Variants in CACNA2D1 observed in about 807,000 individuals in gnomAD.
CACNA2D1 encodes calcium voltage-gated channel auxiliary subunit alpha2delta 1, also known as voltage-dependent calcium channel subunit alpha-2/delta-1.
Under a neutral mutation model 171.5 loss-of-function variants are expected in CACNA2D1, and 53 were observed. That is an observed-to-expected ratio of 0.31 (90% CI 0.25 to 0.39). The LOEUF is 0.39. Among genes scored for constraint, CACNA2D1 ranks in the 10% least tolerant of loss-of-function variants. CACNA2D1 has a pLI of 1.00. For synonymous variants in CACNA2D1, 442 were observed against 443.1 expected, an observed-to-expected ratio of 1.00 and a Z score of 0.03; for missense variants, 903 against 1,299.8, an observed-to-expected ratio of 0.69 and a Z score of 4.69.
In CACNA2D1 at chr7:82,121,349, G is replaced by A. The variant is rs532291218; in HGVS notation, c.397-4176C>T. ...TGAGATTACAGGTGTGAGCCACCAC[G>A]CCCATCTTGAAAAGCTTCATTTTTG... On this transcript the variant is annotated intron_variant, in intron 5 of 38. Coordinates refer to ENST00000356860, the MANE Select transcript of CACNA2D1 (RefSeq NM_000722.4). 3.3e-3 allele frequency among the ~76,000 whole-genome samples: 504 copies of A among 152,202 alleles called. 6 individuals carry two copies. Among genetic ancestry groups the A allele is most frequent in the South Asian group, 0.028 (136 of 4,816 alleles).
chr7:82,252,468 T>C (rs1241385720), intron 3 of CACNA2D1, among the ~76,000 whole-genome samples: 2 of 152,236 alleles, frequency 1.3e-5, no homozygotes, highest in Non-Finnish European at 2.9e-5. Context: ...CATATATTTA[T>C]TGAATGCCCG....
At chr7:82,405,253 AAT>A (rs1394523412) in intron 1 of CACNA2D1, among the ~76,000 whole-genome samples, 1 of 152,194 alleles carries the variant, frequency 6.6e-6, no homozygotes, top group East Asian at 1.9e-4. Context: ...AACATAAAAA[AAT>A]AGATGGTTAA....
chr7:82,331,702 TAAGA>T (rs1179812731), intron 3 of CACNA2D1, among the ~76,000 whole-genome samples: 1 of 152,102 alleles, frequency 6.6e-6, no homozygotes. Context: ...AAATGAGAAA[TAAGA>T]AAGAAAGTCT....
chr7:82,323,158 T>C (rs1429000375), intron 3 of CACNA2D1, among the ~76,000 whole-genome samples: 2 of 152,170 alleles, frequency 1.3e-5, no homozygotes, highest in Non-Finnish European at 2.9e-5. Flanking sequence ...ATAAAGAGGT[T>C]GGCCTTGGAT....
rs575226096 is a variant in CACNA2D1, at chr7:82,409,601, G to A, written c.95+33764C>T. Among the ~76,000 whole-genome samples the A allele has an allele frequency of 2.2e-4, 33 of 152,206 alleles. No homozygotes were observed. In the South Asian group the frequency reaches 5.4e-3, roughly 25 times the overall value. ...CTCATCTCTAGGGTAGGGCCAAGGC[G>A]CTGGTAACTTTTTTAAATTCCCCAG... is the stretch of plus-strand genomic sequence containing the variant. On this transcript the variant is annotated intron_variant, in intron 1 of 38. Transcript: ENST00000356860.
intron 6 of CACNA2D1, among the ~76,000 whole-genome samples, chr7:82,095,393 A>T (rs1811733061): frequency 6.6e-6 from 1 of 152,002 alleles, no homozygotes; most frequent in Admixed American, 6.6e-5. Flanking sequence ...CTTCTATTAT[A>T]CTGGGTAGGG....
chr7:82,065,268 T>G (rs991152768), intron 8 of CACNA2D1, among the ~76,000 whole-genome samples: 1 of 152,122 alleles, frequency 6.6e-6, no homozygotes, highest in East Asian at 1.9e-4. Context: ...CCTTGCTTGA[T>G]AAGAAGGTAA....
intron 1 of CACNA2D1, among the ~76,000 whole-genome samples, chr7:82,353,358 T>C (rs1158219604): frequency 6.6e-6 from 1 of 152,058 alleles, no homozygotes; most frequent in Non-Finnish European, 1.5e-5. Flanking sequence ...AAAGTAAGTA[T>C]AGGAGAAATA....
At chr7:82,256,300 A>G (rs930638940) in intron 3 of CACNA2D1, among the ~76,000 whole-genome samples, 57 of 152,164 alleles carry the variant, frequency 3.7e-4, no homozygotes, top group African/African-American at 1.4e-3. Context: ...TCTCAAAAAA[A>G]TCAAATAAAA....
chr7:82,036,410 T>G (rs1803292954), intron 11 of CACNA2D1, among the ~76,000 whole-genome samples: 1 of 152,182 alleles, frequency 6.6e-6, no homozygotes, highest in Non-Finnish European at 1.5e-5. Flanking sequence ...GTGTCACACT[T>G]CTGTGATTTG....
At chr7:82,426,205 A>C (rs1563536583) in intron 1 of CACNA2D1, among the ~76,000 whole-genome samples, 2 of 151,930 alleles carry the variant, frequency 1.3e-5, no homozygotes, top group African/African-American at 4.8e-5. Context: ...TGGTTTGTTT[A>C]GATTCACTGA....
At chr7:82,081,808 C>T (rs1039436142) in intron 7 of CACNA2D1, among the ~76,000 whole-genome samples, 30 of 151,984 alleles carry the variant, frequency 2.0e-4, no homozygotes, top group African/African-American at 6.3e-4. Context: ...TGCACTCCAG[C>T]GTGGTTCCCA....
At chr7:82,155,418 C>T (rs1348051754) in intron 4 of CACNA2D1, among the ~76,000 whole-genome samples, 2 of 152,104 alleles carry the variant, frequency 1.3e-5, no homozygotes, top group Non-Finnish European at 2.9e-5. Context: ...GAATCCAGGT[C>T]TATCAACCAC....
At chr7:82,204,522 T>C (rs1379337533) in intron 3 of CACNA2D1, among the ~76,000 whole-genome samples, 1 of 152,164 alleles carries the variant, frequency 6.6e-6, no homozygotes, top group Non-Finnish European at 1.5e-5. Flanking sequence ...AAAGTCACCA[T>C]GGGGTGGTTG....
intron 24 of CACNA2D1, among the ~76,000 whole-genome samples, chr7:81,979,445 C>T (rs560472485): frequency 6.6e-4 from 101 of 152,214 alleles, no homozygotes; most frequent in African/African-American, 2.4e-3. Context: ...CTGGATTCTA[C>T]CCTAGTTTCC....
intron 10 of CACNA2D1, among the ~76,000 whole-genome samples, chr7:82,048,244 T>A (rs956569873): frequency 6.6e-6 from 1 of 152,082 alleles, no homozygotes; most frequent in Admixed American, 6.6e-5. Context: ...ACTTAGAGCA[T>A]GATTATGATA....
chr7:82,297,092 A>AG lies in CACNA2D1; in HGVS notation c.294+38042_294+38043insC, dbSNP rs1176981642. Among the ~76,000 whole-genome samples, 6 of 123,464 alleles carry AG rather than the reference A, an allele frequency of 4.9e-5. No individual in the cohort carries two copies. The Admixed American group carries it at 5.0e-4, about 10-fold the overall frequency. 81.0% of individuals were successfully genotyped at this position (123,464 alleles called of 152,430 possible). ...TCTACCAAAAAAAAAAAAAAAAAAA[A>AG]AAAAATTAGCCAGGTATGGTGGCAC... On this transcript the variant is annotated intron_variant, in intron 3 of 38. Coordinates refer to ENST00000356860, the MANE Select transcript of CACNA2D1 (RefSeq NM_000722.4).
intron 3 of CACNA2D1, among the ~76,000 whole-genome samples, chr7:82,274,203 C>A (rs1809021144): frequency 7.5e-6 from 1 of 134,142 alleles, no homozygotes; most frequent in South Asian, 2.1e-4. Flanking sequence ...CCTCTCACGA[C>A]TGTATCTTCC....
rs35861959 is a variant in CACNA2D1 at position 82,002,021 on chromosome 7, C to CAAAAAAAA, written c.1590+3394_1590+3401dup. 2.8e-4 allele frequency among the ~76,000 whole-genome samples: 25 copies of CAAAAAAAA among 89,420 alleles called. 1 individual carries two copies. The highest frequency in any genetic ancestry group is 8.0e-4 in the African/African-American group (18 of 22,636). The allele number at this position is 89,420 out of a possible 152,430, so 58.7% of individuals were successfully genotyped here. Reference sequence around the variant, plus strand: ...CCAGATTACTTTTCCATTGATTTGACAAAAAAAAAAAAAAAAAAAAAAGAG... The same window carrying CAAAAAAAA: ...CCAGATTACTTTTCCATTGATTTGACAAAAAAAAAAAAAAAAAAAAAAAAAAAAAAGAG... On this transcript the variant is annotated intron_variant, in intron 18 of 38. Transcript: ENST00000356860.
Sources: gnomAD v4.1 joint callset for allele counts (sites outside exome capture counted in the v4.1 genomes callset) on GRCh38, gnomAD v4.1.1 for gene constraint, MANE v1.5 for transcripts, NCBI Gene and HGNC (gene_info 2026-07-23, HGNC 2026-07-21) for gene names.